Variants in PSTPIP2 observed in about 807,000 individuals in gnomAD.
PSTPIP2 encodes the protein proline-serine-threonine phosphatase interacting protein 2.
A neutral mutation model predicts 63.3 loss-of-function variants in PSTPIP2; 33 were observed. That is an observed-to-expected ratio of 0.52 (90% confidence interval 0.40 to 0.70). The LOEUF is 0.70. Among genes scored for constraint, PSTPIP2 ranks in the 30% least tolerant of loss-of-function variants. The pLI is 0.00. For synonymous variants in PSTPIP2, 125 were observed against 132.7 expected (o/e 0.94, Z 0.40); for missense variants, 312 against 400.7 (o/e 0.78, Z 1.89).
chr18:45,993,819 A>G (rs544179451), intron 9 of PSTPIP2, 116 bp from the exon 10 acceptor site: 1 of 848,682 alleles, frequency 1.2e-6, no homozygotes, highest in Non-Finnish European at 1.9e-6. Flanking sequence ...TTATTGTCCA[A>G]TTTAGAATGC....
At chr18:46,036,432 A>T (rs1402495342) in intron 2 of PSTPIP2, among the ~76,000 whole-genome samples, 1 of 152,152 alleles carries the variant, frequency 6.6e-6, no homozygotes, top group East Asian at 1.9e-4. Context: ...TGGGCCTTGG[A>T]ATCTGCCCTA....
intron 8 of PSTPIP2, 98 bp from the exon 9 acceptor site, chr18:45,997,926 C>T (rs562612192): frequency 8.0e-4 from 825 of 1,031,654 alleles, no homozygotes; most frequent in Non-Finnish European, 1.1e-3. Flanking sequence ...GAAACTCATC[C>T]GAGTTGTGCT....
At chr18:46,031,651 T>C (rs895968735) in intron 2 of PSTPIP2, among the ~76,000 whole-genome samples, 3 of 152,222 alleles carry the variant, frequency 2.0e-5, no homozygotes, top group Admixed American at 6.5e-5. Flanking sequence ...TCAGTCCATT[T>C]TCATTTTTAA....
Position 46,053,689 on chromosome 18 carries a change from G to A in PSTPIP2, c.34-13642C>T, listed in dbSNP as rs114509531. 6.9e-3 allele frequency among the ~76,000 whole-genome samples: 1,057 copies of A among 152,308 alleles called. 7 individuals are homozygous for A. Among genetic ancestry groups the A allele is most frequent in the African/African-American group, 0.024 (990 of 41,556 alleles). ...TTGCACACAAATGTTTATAGAAGCT[G>A]TAGTCATAATTGCCAAAAATTGGAA... On this transcript the variant is annotated intron_variant, in intron 1 of 14. Coordinates refer to ENST00000409746, the MANE Select transcript of PSTPIP2 (RefSeq NM_024430.4).
At chr18:46,002,801 T>G (rs1568212697) in intron 6 of PSTPIP2, among the ~76,000 whole-genome samples, 1 of 152,118 alleles carries the variant, frequency 6.6e-6, no homozygotes, top group African/African-American at 2.4e-5. Context: ...TCAAAAAAAG[T>G]GTCTTTGTAA....
chr18:45,992,118 G>A lies in PSTPIP2; in HGVS notation c.826C>T (p.Gln276Ter). ...CTGCCCCATTCACCTGGTGGAATCTGTCCAGTTTTGCGTTGATTCACAAAG... is the reference window on the plus strand; with the variant it reads ...CTGCCCCATTCACCTGGTGGAATCTATCCAGTTTTGCGTTGATTCACAAAG... ...EYFVNQRKTGQIPPAPIMYEN... is the reference protein window; with the variant it reads ...EYFVNQRKTG The change falls in exon 11 of 15, where the codon CAG becomes TAG. Residue 276 changes from glutamine to a stop codon, truncating the protein, a stop_gained. Coordinates refer to ENST00000409746, the MANE Select transcript of PSTPIP2 (RefSeq NM_024430.4). LOFTEE classifies it high-confidence loss of function. 6.2e-7 allele frequency: 1 copy of A among 1,607,770 alleles called. No homozygotes were observed. The highest frequency in any genetic ancestry group is 8.5e-7 in the Non-Finnish European group (1 of 1,176,606).
chr18:45,985,299 C>A lies in PSTPIP2; in HGVS notation c.*160G>T. ...CAGAACTCTACTTGCTTATGTTGTC[C>A]TAAATGTCTACCATAAATTTTAAAT... On this transcript the variant is annotated 3_prime_UTR_variant, in exon 15 of 15. Transcript: ENST00000409746. 1 of 1,032,146 alleles carries A rather than the reference C, an allele frequency of 9.7e-7. No individual in the cohort carries two copies. The highest frequency in any genetic ancestry group is 1.4e-6 in the Non-Finnish European group (1 of 706,258). The allele number at this position is 1,032,146 out of a possible 1,614,324, so 63.9% of individuals were successfully genotyped here.
At chr18:46,057,045 A>G (rs919304352) in intron 1 of PSTPIP2, among the ~76,000 whole-genome samples, 3 of 151,924 alleles carry the variant, frequency 2.0e-5, no homozygotes, top group African/African-American at 7.2e-5. Flanking sequence ...CGGAGGTTGC[A>G]GTGAGCCGAG....
intron 1 of PSTPIP2, among the ~76,000 whole-genome samples, chr18:46,057,498 T>C (rs1908804791): frequency 6.6e-6 from 1 of 151,548 alleles, no homozygotes; most frequent in Non-Finnish European, 1.5e-5. Context: ...TGTCTAATTG[T>C]TTTGTATTTT....
intron 4 of PSTPIP2, among the ~76,000 whole-genome samples, chr18:46,014,031 CTT>C (rs61657655): frequency 6.8e-6 from 1 of 147,022 alleles, no homozygotes; most frequent in Admixed American, 6.8e-5. Context: ...AAGAAGGGAT[CTT>C]TTTTTTTTTT....
At chr18:46,016,498 A>T (rs1458633914) in intron 3 of PSTPIP2, among the ~76,000 whole-genome samples, 1 of 152,256 alleles carries the variant, frequency 6.6e-6, no homozygotes, top group Non-Finnish European at 1.5e-5. Context: ...TTTATTGACC[A>T]TAAACCATGG....
At chr18:46,034,972 C>A (rs964211792) in intron 2 of PSTPIP2, among the ~76,000 whole-genome samples, 1 of 152,118 alleles carries the variant, frequency 6.6e-6, no homozygotes, top group African/African-American at 2.4e-5. Flanking sequence ...ATTTTCTGCT[C>A]ATATCAGGAG....
intron 13 of PSTPIP2, chr18:45,989,576 C>G (rs1336862684): frequency 6.6e-6 from 1 of 152,508 alleles, no homozygotes; most frequent in Non-Finnish European, 1.5e-5. Context: ...ATAGGTATAT[C>G]TTTTCTTTAC....
At chr18:45,990,326 G>T (rs1207093465) in intron 13 of PSTPIP2, among the ~76,000 whole-genome samples, 7 of 152,140 alleles carry the variant, frequency 4.6e-5, no homozygotes, top group Admixed American at 4.6e-4. Context: ...TTGGGAATTT[G>T]ATTCTATTTA....
At chr18:46,000,784 T>C (rs2051656018) in intron 6 of PSTPIP2, among the ~76,000 whole-genome samples, 3 of 152,344 alleles carry the variant, frequency 2.0e-5, no homozygotes, top group Admixed American at 1.3e-4. Context: ...CTATAATCAT[T>C]AGTGAATCAT....
intron 1 of PSTPIP2, among the ~76,000 whole-genome samples, chr18:46,052,661 A>T (rs998603335): frequency 2.6e-5 from 4 of 152,230 alleles, no homozygotes; most frequent in Non-Finnish European, 5.9e-5. Flanking sequence ...ATCCCAAAGC[A>T]TAATTGAAAG....
At chr18:46,032,292 G>A (rs991783524) in intron 2 of PSTPIP2, among the ~76,000 whole-genome samples, 6 of 152,168 alleles carry the variant, frequency 3.9e-5, no homozygotes, top group African/African-American at 1.4e-4. Flanking sequence ...ACAAGGGCCA[G>A]ATGAAAATGT....
intron 13 of PSTPIP2, 82 bp from the exon 14 acceptor site, chr18:45,988,841 C>G: frequency 8.6e-7 from 1 of 1,157,604 alleles, no homozygotes; most frequent in African/African-American, 1.5e-5. Flanking sequence ...CAGGGCATTT[C>G]ACTTACAGAT....
chr18:46,046,068 G>A (rs1000410462), intron 1 of PSTPIP2, among the ~76,000 whole-genome samples: 9 of 152,210 alleles, frequency 5.9e-5, no homozygotes, highest in Non-Finnish European at 1.2e-4. Flanking sequence ...CTTATATATG[G>A]TCAACTGACT....
Sources: allele counts gnomAD v4.1 joint callset (sites outside exome capture counted in the v4.1 genomes callset), GRCh38; gene constraint gnomAD v4.1.1; transcripts MANE v1.5; gene names NCBI Gene and HGNC (gene_info 2026-07-23, HGNC 2026-07-21).